The following DOCK4 variants were observed in gnomAD, a reference collection of about 807,000 sequenced individuals.
DOCK4 encodes the protein dedicator of cytokinesis protein 4.
A neutral mutation model predicts 268.1 loss-of-function variants in DOCK4; 97 were observed. That is an observed-to-expected ratio of 0.36 (90% confidence interval 0.31 to 0.43). The LOEUF (loss-of-function observed/expected upper bound fraction) is 0.43. Ranked by LOEUF, DOCK4 falls within the 20% of genes least tolerant of loss-of-function variation. The pLI is 1.00. For synonymous variants in DOCK4, 954 were observed against 887.2 expected (o/e 1.08, Z -1.34); for missense variants, 2,145 against 2,455.7 (o/e 0.87, Z 2.67).
chr7:111,746,814 CTTTTTT>C (rs59197701), intron 43 of DOCK4, among the ~76,000 whole-genome samples: 67,156 of 110,904 alleles, frequency 0.61, 19,793 homozygotes, highest in Non-Finnish European at 0.66. Context: ...TCGGTCTTAT[CTTTTTT>C]TTTTTTTTTT....
intron 1 of DOCK4, among the ~76,000 whole-genome samples, chr7:112,140,035 C>T (rs887602286): frequency 1.3e-5 from 2 of 152,136 alleles, no homozygotes; most frequent in East Asian, 3.9e-4. Context: ...AAAGAGACAT[C>T]CCCTAAGGCC....
intron 1 of DOCK4, among the ~76,000 whole-genome samples, chr7:112,134,633 G>C (rs1054030589): frequency 6.6e-6 from 1 of 152,092 alleles, no homozygotes; most frequent in Non-Finnish European, 1.5e-5. Flanking sequence ...GGAGAATGGC[G>C]TGAACCCGGA....
intron 1 of DOCK4, among the ~76,000 whole-genome samples, chr7:112,037,518 T>C (rs116448730): frequency 1.3e-5 from 2 of 152,320 alleles, no homozygotes; most frequent in African/African-American, 2.4e-5. Context: ...AAGTTTTGGC[T>C]GTTCTTGATC....
chr7:111,923,511 C>T (rs1285476523), intron 12 of DOCK4, among the ~76,000 whole-genome samples: 1 of 152,162 alleles, frequency 6.6e-6, no homozygotes, highest in Non-Finnish European at 1.5e-5. Context: ...CATAATTTAT[C>T]TAGATATGAC....
intron 26 of DOCK4, among the ~76,000 whole-genome samples, chr7:111,829,077 C>T (rs982764521): frequency 6.6e-5 from 10 of 151,894 alleles, no homozygotes; most frequent in African/African-American, 2.2e-4. Context: ...TTCAATATCA[C>T]TTATAATTTC....
At chr7:111,941,774 A>G (rs746097378) in intron 10 of DOCK4, among the ~76,000 whole-genome samples, 35 of 152,182 alleles carry the variant, frequency 2.3e-4, no homozygotes, top group Non-Finnish European at 4.9e-4. Context: ...CCTTCATCTA[A>G]AGCTGCACTA....
At chr7:112,079,599 T>C (rs940704104) in intron 1 of DOCK4, among the ~76,000 whole-genome samples, 1 of 152,174 alleles carries the variant, frequency 6.6e-6, no homozygotes, top group Non-Finnish European at 1.5e-5. Flanking sequence ...GACCCTGTAC[T>C]AAAAGAAATG....
In DOCK4 at chr7:111,828,550, A is replaced by C. The variant is rs550061163; in HGVS notation, c.2835+6038T>G. Among the ~76,000 whole-genome samples the C allele has an allele frequency of 2.0e-5, 3 of 152,354 alleles. No individual in the cohort carries two copies. In the South Asian group the frequency reaches 6.2e-4, roughly 32 times the overall value. ...GAAAAAGCAACATTAGGAATAAAAA[A>C]CAACATGAATATTCATTTGAAAATC... On this transcript the variant is annotated intron_variant, in intron 26 of 52. Transcript: ENST00000428084.
chr7:112,049,476 C>CA (rs939709802), intron 1 of DOCK4, among the ~76,000 whole-genome samples: 3 of 151,766 alleles, frequency 2.0e-5, no homozygotes, highest in East Asian at 3.9e-4. Context: ...AGAAAAGGTA[C>CA]AAAAAACAAA....
At chr7:111,922,576 C>T (rs1210808249) in intron 12 of DOCK4, among the ~76,000 whole-genome samples, 2 of 151,844 alleles carry the variant, frequency 1.3e-5, no homozygotes, top group African/African-American at 4.8e-5. Flanking sequence ...CATTTCTTTC[C>T]TTCTGGGTTC....
intron 1 of DOCK4, among the ~76,000 whole-genome samples, chr7:112,107,493 C>T (rs1811240039): frequency 1.3e-5 from 2 of 152,208 alleles, no homozygotes; most frequent in African/African-American, 4.8e-5. Flanking sequence ...AACCTATGGA[C>T]ACCTTTATCT....
At chr7:111,953,321 G>C (rs139246544) in intron 8 of DOCK4, among the ~76,000 whole-genome samples, 17 of 152,288 alleles carry the variant, frequency 1.1e-4, no homozygotes, top group African/African-American at 3.6e-4. Flanking sequence ...GGGGTGGTAA[G>C]ATGGACGAAG....
intron 26 of DOCK4, among the ~76,000 whole-genome samples, chr7:111,833,257 T>C (rs1182822931): frequency 2.0e-5 from 3 of 152,128 alleles, no homozygotes; most frequent in African/African-American, 7.2e-5. Flanking sequence ...AGATTGAATG[T>C]AAGGCCAGGC....
chr7:111,961,385 C>T (rs542521449), intron 8 of DOCK4, among the ~76,000 whole-genome samples: 12 of 152,310 alleles, frequency 7.9e-5, no homozygotes, highest in Admixed American at 2.6e-4. Context: ...CAAAGGGTCT[C>T]GGACAGCTGG....
At chr7:111,924,940 T>C (rs1793476178) in intron 12 of DOCK4, among the ~76,000 whole-genome samples, 1 of 151,828 alleles carries the variant, frequency 6.6e-6, no homozygotes, top group Non-Finnish European at 1.5e-5. Flanking sequence ...AGGTGGGGGC[T>C]GAGAGTAAAA....
chr7:111,767,714 A>G (rs1194675420), intron 37 of DOCK4, among the ~76,000 whole-genome samples: 1 of 152,148 alleles, frequency 6.6e-6, no homozygotes, highest in African/African-American at 2.4e-5. Context: ...CAGTTCCACA[A>G]TGGCCGAGTA....
At chr7:111,857,926 C>T (rs1023400695) in intron 23 of DOCK4, among the ~76,000 whole-genome samples, 3 of 152,156 alleles carry the variant, frequency 2.0e-5, no homozygotes, top group Non-Finnish European at 2.9e-5. Context: ...AAATGAGTTG[C>T]TGATTTTTAA....
At chr7:111,858,964 A>G (rs1805256904) in intron 23 of DOCK4, among the ~76,000 whole-genome samples, 1 of 152,168 alleles carries the variant, frequency 6.6e-6, no homozygotes, top group Admixed American at 6.5e-5. Flanking sequence ...GTAACATCTA[A>G]GGTCTGAAAA....
intron 31 of DOCK4, 135 bp downstream of exon 31, chr7:111,790,322 G>C: frequency 1.0e-6 from 1 of 998,926 alleles, no homozygotes; most frequent in South Asian, 1.7e-5. Flanking sequence ...TGGCTTGGGA[G>C]TGGATAGGCC....
Sources: gnomAD v4.1 joint callset for allele counts (sites outside exome capture counted in the v4.1 genomes callset) on GRCh38, gnomAD v4.1.1 for gene constraint, MANE v1.5 for transcripts, NCBI Gene and HGNC (gene_info 2026-07-23, HGNC 2026-07-21) for gene names.